The following VCAN variants were observed in gnomAD, a reference collection of about 807,000 sequenced individuals.
VCAN encodes versican core protein.
VCAN carries 44 observed loss-of-function variants against 245.5 expected under a neutral mutation model. The ratio of observed to expected loss-of-function variants is 0.18; its 90% confidence interval spans 0.14 to 0.23. The LOEUF is 0.23. Among genes scored for constraint, VCAN ranks in the 10% least tolerant of loss-of-function variants. The pLI, the probability that VCAN is intolerant of heterozygous loss-of-function variation, is 1.00. For missense variants in VCAN, 3,793 were observed against 4,057.9 expected, an observed-to-expected ratio of 0.93 and a Z score of 1.77; for synonymous variants, 1,413 against 1,437.0, an observed-to-expected ratio of 0.98 and a Z score of 0.38.
At chr5:83,511,313 T>G (rs930464276) in intron 5 of VCAN, among the ~76,000 whole-genome samples, 1 of 151,900 alleles carries the variant, frequency 6.6e-6, no homozygotes, top group Non-Finnish European at 1.5e-5. Context: ...GGGGTGTCTT[T>G]GTAAGAATTA....
Position 83,519,686 on chromosome 5 carries a change from C to T in VCAN, c.1380C>T (p.Leu460=). The T allele has an allele frequency of 1.2e-6, 2 of 1,614,114 alleles. No homozygotes were observed. Among genetic ancestry groups the T allele is most frequent in the Middle Eastern group, 1.6e-4 (1 of 6,062 alleles). ...TATCAGAAATTAAGGAAGAAGTGCT[C>T]CAGAGTACAACTGGCGTCTCTCATT... ...LDISEIKEEV[L]QSTTGVSHYA... is the part of the protein sequence containing the mutation. The change falls in exon 7 of 15, where the codon CTC becomes CTT. Residue 460 remains leucine (L), a synonymous_variant. Coordinates refer to ENST00000265077, the MANE Select transcript of VCAN (RefSeq NM_004385.5).
intron 6 of VCAN, among the ~76,000 whole-genome samples, chr5:83,514,452 ATTT>A (rs1274338760): frequency 1.2e-5 from 1 of 83,726 alleles, no homozygotes; most frequent in Non-Finnish European, 2.3e-5. Flanking sequence ...GTGTGTGTGT[ATTT>A]TTTTTTTTTT....
chr5:83,492,741 G>T (rs1452525436), intron 3 of VCAN, among the ~76,000 whole-genome samples: 1 of 152,126 alleles, frequency 6.6e-6, no homozygotes. Flanking sequence ...GCTTTCTTTG[G>T]ATAAAAATTA....
At chr5:83,559,313 C>A (rs1747777847) in intron 12 of VCAN, among the ~76,000 whole-genome samples, 1 of 152,144 alleles carries the variant, frequency 6.6e-6, no homozygotes. Flanking sequence ...GTGCTAATGA[C>A]CTTTCCCTTC....
rs370119993 is a variant in VCAN at position 83,538,383 on chromosome 5, A to C, written c.5380A>C (p.Thr1794Pro). 1.2e-6 allele frequency: 2 copies of C among 1,614,014 alleles called. No individual in the cohort carries two copies. The highest frequency in any genetic ancestry group is 8.5e-7 in the Non-Finnish European group (1 of 1,179,958). ...AATGACAGATTCTACTCCTGTCTTT[A>C]CAGAAACAAATACATTAGAAAATTT... ...REMTDSTPVF[T>P]ETNTLENLGA... The change falls in exon 8 of 15, where the codon ACA becomes CCA. Residue 1794 changes from threonine to proline, a missense_variant. Thr to Pro is a conservative substitution (Grantham distance 38, BLOSUM62 -1). This residue lies in a region of VCAN where 3,182 missense variants were observed against 3,250.3 expected (regional missense o/e 0.98). Transcript: ENST00000265077.
At chr5:83,561,198 T>C (rs1747852991) in intron 12 of VCAN, among the ~76,000 whole-genome samples, 1 of 152,142 alleles carries the variant, frequency 6.6e-6, no homozygotes, top group South Asian at 2.1e-4. Context: ...ACAGCTTCCT[T>C]CTTCTCACTT....
chr5:83,538,404 A>C lies in VCAN; in HGVS notation c.5401A>C (p.Asn1801His), dbSNP rs1746816122. 1 of 1,613,952 alleles carries C rather than the reference A, an allele frequency of 6.2e-7. No individual in the cohort carries two copies. ...PVFTETNTLE[N>H]LGAQTTEHSS... The stretch of plus-strand genomic sequence containing the variant: ...CTTTACAGAAACAAATACATTAGAA[A>C]ATTTGGGGGCACAGACCACTGAGCA... Residue 1801 changes from asparagine (N) to histidine (H), a missense_variant, in exon 8 of 15, where the codon AAT becomes CAT. Physicochemically the swap from Asn to His is moderately conservative, Grantham distance 68. Around this residue, in one of 5 missense-constraint regions of VCAN, gnomAD observed 3,182 missense variants for 3,250.3 expected, o/e 0.98. Transcript: ENST00000265077.
At chr5:83,577,759 A>G (rs1054372849) in intron 13 of VCAN, among the ~76,000 whole-genome samples, 4 of 152,184 alleles carry the variant, frequency 2.6e-5, no homozygotes, top group African/African-American at 4.8e-5. Flanking sequence ...TTCTGTATGA[A>G]TACACAAGTG....
intron 9 of VCAN, 102 bp downstream of exon 9, chr5:83,545,752 A>G (rs1305509708): frequency 3.2e-6 from 3 of 940,344 alleles, no homozygotes; most frequent in African/African-American, 1.6e-5. Flanking sequence ...AGAAACCCAT[A>G]TGAAGATTAA....
At chr5:83,493,329 C>T (rs1393044462) in intron 3 of VCAN, among the ~76,000 whole-genome samples, 1 of 152,178 alleles carries the variant, frequency 6.6e-6, no homozygotes, top group Admixed American at 6.5e-5. Flanking sequence ...AGGAAATTTT[C>T]TGGTGGAGCA....
rs754698640 is a variant in VCAN, at chr5:83,539,706, C to T, written c.6703C>T (p.His2235Tyr). 5 of 1,613,680 alleles carry T rather than the reference C, an allele frequency of 3.1e-6. No homozygotes were observed. Among genetic ancestry groups the T allele is most frequent in the Non-Finnish European group, 4.2e-6 (5 of 1,179,986 alleles). ...SPIKKEESTKHFPKGMRPTIQ... is the reference protein window; with the variant it reads ...SPIKKEESTKYFPKGMRPTIQ... ...AATCAAAAAGGAAGAAAGTACAAAA[C>T]ATTTTCCGAAAGGCATGAGACCAAC... Residue 2235 changes from histidine to tyrosine, a missense_variant, in exon 8 of 15, where the codon CAT becomes TAT. Around this residue, in one of 5 missense-constraint regions of VCAN, gnomAD observed 3,182 missense variants for 3,250.3 expected, o/e 0.98. Coordinates refer to ENST00000265077, the MANE Select transcript of VCAN (RefSeq NM_004385.5).
intron 10 of VCAN, among the ~76,000 whole-genome samples, chr5:83,549,994 C>T (rs1226485374): frequency 6.6e-6 from 1 of 152,158 alleles, no homozygotes; most frequent in Non-Finnish European, 1.5e-5. Flanking sequence ...AGTAACTTCC[C>T]AAGTCACAGT....
In VCAN at chr5:83,540,066, A is replaced by T; in HGVS notation, c.7063A>T (p.Ile2355Phe). 2.5e-6 allele frequency: 4 copies of T among 1,614,076 alleles called. No individual in the cohort carries two copies. Among genetic ancestry groups the T allele is most frequent in the Non-Finnish European group, 3.4e-6 (4 of 1,179,994 alleles). Residue 2355 changes from isoleucine to phenylalanine, a missense_variant, in exon 8 of 15, where the codon ATC becomes TTC. Physicochemically the swap from Ile to Phe is conservative, Grantham distance 21 (BLOSUM62 0). Around this residue, in one of 5 missense-constraint regions of VCAN, gnomAD observed 3,182 missense variants for 3,250.3 expected, o/e 0.98. Coordinates refer to ENST00000265077, the MANE Select transcript of VCAN (RefSeq NM_004385.5). ...TVAPLPFSTDIGHPQNQTVRW... is the reference protein window; with the variant it reads ...TVAPLPFSTDFGHPQNQTVRW... The stretch of plus-strand genomic sequence containing the variant: ...GGCACCTCTCCCTTTCTCCACGGAC[A>T]TCGGACATCCTCAAAATCAGACTGT...
Position 83,538,858 on chromosome 5 carries a change from A to T in VCAN, c.5855A>T (p.Glu1952Val). ...GTGTCTCATCCCATAGCAAAAGAAG[A>T]AACGGTAATGATGGAAGGCTCTGGA... ...STVSHPIAKE[E>V]TVMMEGSGDA... Residue 1952 changes from glutamate (E) to valine (V), a missense_variant, in exon 8 of 15, where the codon GAA becomes GTA. Physicochemically the swap from Glu to Val is moderately radical, Grantham distance 121. Coordinates refer to ENST00000265077, the MANE Select transcript of VCAN (RefSeq NM_004385.5). The T allele has an allele frequency of 6.2e-7, 1 of 1,614,016 alleles. No individual in the cohort carries two copies. Among genetic ancestry groups the T allele is most frequent in the South Asian group, 1.1e-5 (1 of 91,076 alleles).
intron 7 of VCAN, among the ~76,000 whole-genome samples, chr5:83,526,502 A>G (rs1044462792): frequency 6.6e-6 from 1 of 152,170 alleles, no homozygotes; most frequent in Non-Finnish European, 1.5e-5. Context: ...GGACCTCCTC[A>G]TCTCCTGTGG....
chr5:83,544,477 A>G (rs1747126982), intron 8 of VCAN, among the ~76,000 whole-genome samples: 1 of 152,162 alleles, frequency 6.6e-6, no homozygotes. Context: ...CTTTAAGCTA[A>G]TGTTTCATAA....
chr5:83,552,762 A>G (rs309593), intron 10 of VCAN, among the ~76,000 whole-genome samples: 122,467 of 152,056 alleles, frequency 0.81, 49,749 homozygotes, highest in African/African-American at 0.88. Flanking sequence ...TTCATTGGGC[A>G]TTACCTATCT....
intron 5 of VCAN, among the ~76,000 whole-genome samples, chr5:83,502,571 A>T (rs757082411): frequency 6.6e-6 from 1 of 152,250 alleles, no homozygotes; most frequent in Non-Finnish European, 1.5e-5. Flanking sequence ...GAGTCCAAAC[A>T]TTCTGAAAAC....
chr5:83,504,715 G>A (rs1398715063), intron 5 of VCAN, among the ~76,000 whole-genome samples: 1 of 152,096 alleles, frequency 6.6e-6, no homozygotes, highest in Non-Finnish European at 1.5e-5. Context: ...TTAACTTACT[G>A]TAAACCTGAC....
Sources: gnomAD v4.1 joint callset for allele counts (sites outside exome capture counted in the v4.1 genomes callset) on GRCh38, gnomAD v4.1.1 for gene constraint, gnomAD v4.1.1 regional missense constraint, MANE v1.5 for transcripts, NCBI Gene and HGNC (gene_info 2026-07-23, HGNC 2026-07-21) for gene names.